The following CNBD1 variants were observed in gnomAD, a reference collection of about 807,000 sequenced individuals.
The protein encoded by CNBD1 is cyclic nucleotide binding domain containing 1, also known as cyclic nucleotide-binding domain-containing protein 1.
CNBD1 carries 71 observed loss-of-function variants against 54.4 expected under a neutral mutation model. That is an observed-to-expected ratio of 1.30 (90% CI 1.08 to 1.59). The LOEUF (loss-of-function observed/expected upper bound fraction) is 1.59. CNBD1 is among the 40% of genes most tolerant of loss of function. The pLI, the probability that CNBD1 is intolerant of heterozygous loss-of-function variation, is 0.00. For synonymous variants in CNBD1, 182 were observed against 170.7 expected (o/e 1.07, Z -0.51); for missense variants, 659 against 518.0 (o/e 1.27, Z -2.64).
intron 4 of CNBD1, among the ~76,000 whole-genome samples, chr8:87,117,576 T>A (rs1586268231): frequency 2.6e-5 from 4 of 152,186 alleles, no homozygotes; most frequent in South Asian, 4.2e-4. Flanking sequence ...GACTGATCAG[T>A]TTCCTCTTTT....
intron 3 of CNBD1, among the ~76,000 whole-genome samples, chr8:86,915,827 A>C (rs1018819280): frequency 1.3e-5 from 2 of 152,210 alleles, no homozygotes; most frequent in African/African-American, 4.8e-5. Context: ...TGGAGAAGTC[A>C]ATCTATCTGG....
At chr8:87,121,779 T>A (rs538423287) in intron 4 of CNBD1, among the ~76,000 whole-genome samples, 2 of 151,894 alleles carry the variant, frequency 1.3e-5, no homozygotes, top group African/African-American at 4.8e-5. Flanking sequence ...TGTCTTTCTG[T>A]GCCTGTCATA....
intron 2 of CNBD1, among the ~76,000 whole-genome samples, chr8:87,426,209 C>T (rs1749565595): frequency 6.6e-6 from 1 of 152,192 alleles, no homozygotes; most frequent in South Asian, 2.1e-4. Context: ...CTGACCTGCG[C>T]CCGCTGTCTG....
intron 4 of CNBD1, among the ~76,000 whole-genome samples, chr8:87,167,655 G>T (rs1422627663): frequency 2.6e-5 from 4 of 151,842 alleles, no homozygotes; most frequent in Non-Finnish European, 4.4e-5. Context: ...GTTGACAATG[G>T]TATGTGAACC....
chr8:87,306,564 A>T (rs1809153048), intron 8 of CNBD1, among the ~76,000 whole-genome samples: 1 of 152,210 alleles, frequency 6.6e-6, no homozygotes, highest in African/African-American at 2.4e-5. Flanking sequence ...GTAGTATATG[A>T]TGGAATACTA....
chr8:87,002,094 G>T (rs1461071175), intron 4 of CNBD1, among the ~76,000 whole-genome samples: 1 of 152,178 alleles, frequency 6.6e-6, no homozygotes, highest in Non-Finnish European at 1.5e-5. Context: ...ACATACAAAT[G>T]GTTTAGGCTC....
At chr8:87,225,973 G>A (rs1383746454) in intron 5 of CNBD1, among the ~76,000 whole-genome samples, 2 of 151,266 alleles carry the variant, frequency 1.3e-5, no homozygotes. Context: ...TCTTGGGAGA[G>A]TGTATGTGTC....
At chr8:87,260,560 C>G (rs34379153) in intron 6 of CNBD1, among the ~76,000 whole-genome samples, 42,802 of 151,888 alleles carry the variant, frequency 0.28, 6,514 homozygotes, top group African/African-American at 0.39. Context: ...TGATTTTTAC[C>G]ATTCATTCCA....
intron 2 of CNBD1, among the ~76,000 whole-genome samples, chr8:87,400,329 A>T (rs1288278347): frequency 6.6e-6 from 1 of 152,046 alleles, no homozygotes. Context: ...ATCTGGTACC[A>T]GGACTGGATT....
At chr8:87,238,637 A>G (rs979240414) in intron 6 of CNBD1, among the ~76,000 whole-genome samples, 1 of 152,092 alleles carries the variant, frequency 6.6e-6, no homozygotes, top group Non-Finnish European at 1.5e-5. Flanking sequence ...ATATGAATAT[A>G]TTTATATCTA....
intron 2 of CNBD1, among the ~76,000 whole-genome samples, chr8:87,391,267 A>G (rs1811304174): frequency 6.6e-6 from 1 of 152,080 alleles, no homozygotes. Flanking sequence ...CAAATAAAAA[A>G]AAGATAACGA....
intron 4 of CNBD1, among the ~76,000 whole-genome samples, chr8:87,144,128 A>G (rs1812433152): frequency 6.6e-6 from 1 of 152,224 alleles, no homozygotes; most frequent in African/African-American, 2.4e-5. Context: ...GTCCAGCAAT[A>G]TAGAGAAGCT....
At position 86,885,417 on chromosome 8, in the gene CNBD1, C is replaced by G. The variant is rs145553505; in HGVS notation, c.89-2125C>G. On this transcript the variant is annotated intron_variant, in intron 1 of 10. Transcript: ENST00000518476. Reference sequence around the variant, plus strand: ...TTTCCAGCCCTCTTTCAAATATACTCTAGTCTAAACCCTTGATTTTAACCG... The same window carrying G: ...TTTCCAGCCCTCTTTCAAATATACTGTAGTCTAAACCCTTGATTTTAACCG... 3.9e-4 allele frequency among the ~76,000 whole-genome samples: 59 copies of G among 152,262 alleles called. No homozygotes were observed. The East Asian group carries it at 0.011, about 28-fold the overall frequency.
chr8:87,127,915 G>T (rs113337965), intron 4 of CNBD1, among the ~76,000 whole-genome samples: 9 of 152,130 alleles, frequency 5.9e-5, no homozygotes, highest in African/African-American at 1.9e-4. Flanking sequence ...GTTGCCTTTT[G>T]GTCTGCCATG....
At chr8:86,933,408 C>T (rs1187484331) in intron 3 of CNBD1, among the ~76,000 whole-genome samples, 4 of 152,026 alleles carry the variant, frequency 2.6e-5, no homozygotes, top group Non-Finnish European at 5.9e-5. Flanking sequence ...TCTCATAAAG[C>T]AGTAAAATGA....
chr8:87,113,619 A>G (rs578148141), intron 4 of CNBD1, among the ~76,000 whole-genome samples: 7 of 152,252 alleles, frequency 4.6e-5, no homozygotes, highest in African/African-American at 1.7e-4. Flanking sequence ...TCTTTTACTT[A>G]CCTCAAAAAG....
At position 86,919,030 on chromosome 8, in the gene CNBD1, TA is replaced by T. The variant is rs199682652; in HGVS notation, c.272+13845del. 3.3e-3 allele frequency among the ~76,000 whole-genome samples: 493 copies of T among 150,872 alleles called. 3 individuals are homozygous for T. The highest frequency in any genetic ancestry group is 7.8e-3 in the African/African-American group (323 of 41,238). On this transcript the variant is annotated intron_variant, in intron 3 of 10. Transcript: ENST00000518476. ...TCTGAAAATATCATGCTTTTTTTTT[TA>T]AAAAAAAAGAGAAAGGCAATTGGAA...
chr8:87,036,834 T>C (rs914379302), intron 4 of CNBD1, among the ~76,000 whole-genome samples: 9 of 152,298 alleles, frequency 5.9e-5, no homozygotes, highest in Admixed American at 5.2e-4. Context: ...CCTGGAGGCC[T>C]CTGCCCTCTT....
At chr8:87,056,358 CA>C in intron 4 of CNBD1, among the ~76,000 whole-genome samples, 1 of 152,260 alleles carries the variant, frequency 6.6e-6, no homozygotes, top group Non-Finnish European at 1.5e-5. Flanking sequence ...GGGCAACACA[CA>C]ACTGTACAGC....
Sources: allele counts gnomAD v4.1 joint callset (sites outside exome capture counted in the v4.1 genomes callset), GRCh38; gene constraint gnomAD v4.1.1; transcripts MANE v1.5; gene names NCBI Gene and HGNC (gene_info 2026-07-23, HGNC 2026-07-21).